The following DOCK8 variants were observed in gnomAD, a reference collection of about 807,000 sequenced individuals.
The protein encoded by DOCK8 is dedicator of cytokinesis protein 8.
DOCK8 carries 141 observed loss-of-function variants against 245.6 expected under a neutral mutation model. The ratio of observed to expected loss-of-function variants is 0.57; its 90% CI spans 0.50 to 0.66. The LOEUF is 0.66. Among genes scored for constraint, DOCK8 ranks in the 30% least tolerant of loss-of-function variants. DOCK8 has a pLI of 0.00. For missense variants in DOCK8, 2,965 were observed against 2,603.4 expected (o/e 1.14, Z -3.02); for synonymous variants, 1,168 against 970.2 (o/e 1.20, Z -3.79).
chr9:365,223 G>A (rs998507864), intron 14 of DOCK8, among the ~76,000 whole-genome samples: 1 of 152,230 alleles, frequency 6.6e-6, no homozygotes, highest in African/African-American at 2.4e-5. Flanking sequence ...AGAGGCAAGT[G>A]TAGAAGTCAA....
chr9:339,159 A>T, intron 13 of DOCK8, 60 bp downstream of exon 13: 1 of 1,390,996 alleles, frequency 7.2e-7, no homozygotes, highest in African/African-American at 1.4e-5. Context: ...CGTTAGACAC[A>T]GTCTTTGTCT....
At chr9:374,215 T>A (rs1407839578) in intron 18 of DOCK8, among the ~76,000 whole-genome samples, 1 of 152,012 alleles carries the variant, frequency 6.6e-6, no homozygotes, top group East Asian at 1.9e-4. Flanking sequence ...TCTCTTAGTA[T>A]CCTTTAAACC....
chr9:340,055 G>A (rs2051502503), intron 13 of DOCK8, 104 bp from the exon 14 acceptor site: 1 of 1,376,104 alleles, frequency 7.3e-7, no homozygotes, highest in African/African-American at 1.4e-5. Flanking sequence ...CAGTACTATA[G>A]TTTGTTCTTA....
intron 1 of DOCK8, among the ~76,000 whole-genome samples, chr9:263,730 T>G (rs147168286): frequency 6.6e-6 from 1 of 152,344 alleles, no homozygotes; most frequent in African/African-American, 2.4e-5. Flanking sequence ...TAGAAAATTC[T>G]AGATTGTTAG....
At chr9:290,059 C>G (rs2048975477) in intron 4 of DOCK8, among the ~76,000 whole-genome samples, 1 of 152,046 alleles carries the variant, frequency 6.6e-6, no homozygotes, top group Admixed American at 6.5e-5. Context: ...GGCTTGATAG[C>G]TCATTTTTTT....
At chr9:251,292 A>G (rs2047638697) in intron 1 of DOCK8, among the ~76,000 whole-genome samples, 1 of 152,198 alleles carries the variant, frequency 6.6e-6, no homozygotes, top group African/African-American at 2.4e-5. Context: ...ATACTTGATG[A>G]AAAAAATCAA....
intron 45 of DOCK8, 31 bp from the exon 46 acceptor site, chr9:451,977 ATTT>A (rs35071801): frequency 1.9e-4 from 35 of 184,498 alleles, no homozygotes; most frequent in African/African-American, 1.6e-3. Flanking sequence ...ATATATATAT[ATTT>A]TTTTTTTTTT....
chr9:242,775 T>C (rs2047404654), intron 1 of DOCK8, among the ~76,000 whole-genome samples: 2 of 152,062 alleles, frequency 1.3e-5, no homozygotes, highest in Admixed American at 6.5e-5. Context: ...TGGAACATGG[T>C]TTCATCCTGG....
At chr9:403,856 GTATCTC>G (rs1169559520) in intron 26 of DOCK8, among the ~76,000 whole-genome samples, 7 of 84,916 alleles carry the variant, frequency 8.2e-5, no homozygotes, top group African/African-American at 2.9e-4. Flanking sequence ...GCAAGACTCT[GTATCTC>G]TCTCTCTCTC....
chr9:370,388 C>G (rs2053232578), intron 16 of DOCK8, 88 bp downstream of exon 16: 1 of 1,178,972 alleles, frequency 8.5e-7, no homozygotes, highest in Non-Finnish European at 1.3e-6. Context: ...TTCCTCCTAA[C>G]TATTTTTATA....
rs202026075 is a variant in DOCK8, at chr9:400,817, A to T, written c.3234+1558A>T. ...CACCACCACCTCCACCATCACCACC[A>T]CCTCCACCATCACCATCACCACCAC... On this transcript the variant is annotated intron_variant, in intron 26 of 47. Coordinates refer to ENST00000432829, the MANE Select transcript of DOCK8 (RefSeq NM_203447.4). Among the ~76,000 whole-genome samples the T allele has an allele frequency of 6.4e-3, 269 of 41,726 alleles. 2 individuals carry two copies. The highest frequency in any genetic ancestry group is 0.014 in the African/African-American group (89 of 6,578). The allele number at this position is 41,726 out of a possible 152,430, so 27.4% of individuals were successfully genotyped here. A position where few individuals can be genotyped will look rare whatever the true frequency, so the allele number is the denominator to read the frequency against.
intron 26 of DOCK8, among the ~76,000 whole-genome samples, chr9:399,534 A>C (rs925227275): frequency 6.6e-6 from 1 of 152,122 alleles, no homozygotes; most frequent in Non-Finnish European, 1.5e-5. Flanking sequence ...TGAATCTTCA[A>C]TTTGACATTC....
Position 222,008 on chromosome 9 carries a change from C to T in DOCK8, c.53+6979C>T, listed in dbSNP as rs528031952. On this transcript the variant is annotated intron_variant, in intron 1 of 47. Transcript: ENST00000432829. ...GTGGCTCATGCCTGGAACCTGCCTC[C>T]CGGTGCTTTGGGAGGCAGACACAGG... is the stretch of plus-strand genomic sequence containing the variant. Among the ~76,000 whole-genome samples the T allele has an allele frequency of 5.1e-4, 78 of 152,082 alleles. 1 individual carries two copies. The highest frequency in any genetic ancestry group is 1.8e-3 in the African/African-American group (75 of 41,482).
intron 46 of DOCK8, chr9:460,224 G>C (rs1465296717): frequency 6.6e-6 from 1 of 152,196 alleles, no homozygotes; most frequent in African/African-American, 2.4e-5. Flanking sequence ...GCAGTTGTCT[G>C]CATATAACAC....
At chr9:225,315 G>A (rs1190768426) in intron 1 of DOCK8, among the ~76,000 whole-genome samples, 16 of 152,176 alleles carry the variant, frequency 1.1e-4, no homozygotes, top group Non-Finnish European at 5.9e-5. Context: ...CTGAGGAGAT[G>A]AGTCTCAGCT....
chr9:395,842 C>T (rs536114281), intron 24 of DOCK8, among the ~76,000 whole-genome samples: 40 of 152,088 alleles, frequency 2.6e-4, no homozygotes, highest in African/African-American at 8.9e-4. Flanking sequence ...CAGACAGTCA[C>T]CAATTGACAC....
chr9:415,003 G>A lies in DOCK8; in HGVS notation c.3700+52G>A, dbSNP rs755824840. ...GGATTGTTGGGGGCCCCTGCCAAATGCCCCATCCGAATGAGATCTCTGTCA... is the reference window on the plus strand; with the variant it reads ...GGATTGTTGGGGGCCCCTGCCAAATACCCCATCCGAATGAGATCTCTGTCA... On this transcript the variant is annotated intron_variant, in intron 29 of 47. Transcript: ENST00000432829. 5 of 1,604,400 alleles carry A rather than the reference G, an allele frequency of 3.1e-6. No individual in the cohort carries two copies. In the East Asian group the frequency reaches 1.1e-4, roughly 36 times the overall value.
rs544164886 is a variant in DOCK8 at position 407,541 on chromosome 9, C to G, written c.3530+472C>G. 7.0e-4 allele frequency among the ~76,000 whole-genome samples: 107 copies of G among 152,288 alleles called. 2 individuals carry two copies. In the South Asian group the frequency reaches 0.014, roughly 20 times the overall value. ...CAGTGCTTCTCAGGCCAAGAGACAC[C>G]ACACATCCAGGGCTTCTGAATCCTT... On this transcript the variant is annotated intron_variant, in intron 28 of 47. Coordinates refer to ENST00000432829, the MANE Select transcript of DOCK8 (RefSeq NM_203447.4).
intron 2 of DOCK8, among the ~76,000 whole-genome samples, chr9:280,123 G>A (rs1467726940): frequency 6.6e-6 from 1 of 152,026 alleles, no homozygotes; most frequent in African/African-American, 2.4e-5. Flanking sequence ...TGTGTTAGGG[G>A]CAAGGGAAAT....
Sources: gnomAD v4.1 joint callset for allele counts (sites outside exome capture counted in the v4.1 genomes callset) on GRCh38, gnomAD v4.1.1 for gene constraint, MANE v1.5 for transcripts, NCBI Gene and HGNC (gene_info 2026-07-23, HGNC 2026-07-21) for gene names.